Variants in VPS13C observed in about 807,000 individuals in gnomAD.
The protein encoded by VPS13C is intermembrane lipid transfer protein VPS13C.
Under a neutral mutation model 456.8 loss-of-function variants are expected in VPS13C, and 358 were observed. That is an observed-to-expected ratio of 0.78 (90% CI 0.72 to 0.86). The LOEUF is 0.86. Ranked by LOEUF, VPS13C falls within the 40% of genes least tolerant of loss-of-function variation. VPS13C has a pLI of 0.00. For missense variants in VPS13C, 4,818 were observed against 4,385.4 expected, an observed-to-expected ratio of 1.10 and a Z score of -2.79; for synonymous variants, 1,578 against 1,486.7, an observed-to-expected ratio of 1.06 and a Z score of -1.41.
At chr15:61,972,482 G>C in intron 27 of VPS13C, 143 bp downstream of exon 27, 1 of 672,320 alleles carries the variant, frequency 1.5e-6, no homozygotes, top group Middle Eastern at 4.4e-4. Flanking sequence ...GTGTGTGAGA[G>C]TGTGTATGTG....
intron 81 of VPS13C, chr15:61,865,851 A>C (rs1894546350): frequency 1.1e-6 from 1 of 931,894 alleles, no homozygotes; most frequent in African/African-American, 1.8e-5. Flanking sequence ...CATCTCATGG[A>C]AATATAATAT....
chr15:61,929,633 C>A lies in VPS13C; in HGVS notation c.6154G>T (p.Ala2052Ser), dbSNP rs947940623. The A allele has an allele frequency of 1.2e-6, 2 of 1,613,996 alleles. No homozygotes were observed. The highest frequency in any genetic ancestry group is 2.7e-5 in the African/African-American group (2 of 74,922). ...ACAGTCATCAGAAATTCCACACTGG[C>A]ACATACATACAGCTTGTCAAGAACA... ...DAVLDKLYVCASVEFLMTVAD... is the reference protein window; with the variant it reads ...DAVLDKLYVCSSVEFLMTVAD... Residue 2052 changes from alanine (A) to serine (S), a missense_variant, in exon 51 of 85, where the codon GCC becomes TCC. By Grantham distance (99) the Ala-to-Ser change is moderately conservative. Coordinates refer to ENST00000644861, the MANE Select transcript of VPS13C (RefSeq NM_020821.3).
intron 66 of VPS13C, among the ~76,000 whole-genome samples, chr15:61,899,966 A>G (rs1428600877): frequency 1.3e-5 from 2 of 152,192 alleles, no homozygotes; most frequent in Non-Finnish European, 2.9e-5. Context: ...ATATACACAA[A>G]TCAATAAATG....
intron 48 of VPS13C, 39 bp downstream of exon 48, chr15:61,936,558 C>G (rs752489920): frequency 1.3e-6 from 2 of 1,488,826 alleles, no homozygotes; most frequent in South Asian, 3.0e-5. Flanking sequence ...ACATTAACAC[C>G]AATTTTTTCT....
At chr15:61,936,036 A>G (rs1264687176) in intron 48 of VPS13C, among the ~76,000 whole-genome samples, 1 of 152,260 alleles carries the variant, frequency 6.6e-6, no homozygotes, top group East Asian at 1.9e-4. Flanking sequence ...TATATGTAAT[A>G]TAATCTGTTT....
chr15:61,950,467 A>C (rs2044749694), intron 40 of VPS13C, 50 bp from the exon 41 acceptor site: 1 of 1,362,132 alleles, frequency 7.3e-7, no homozygotes, highest in African/African-American at 1.4e-5. Flanking sequence ...CTAAAAATTC[A>C]TACACTGAAA....
intron 16 of VPS13C, among the ~76,000 whole-genome samples, chr15:61,994,526 A>C (rs1288102567): frequency 6.6e-6 from 1 of 152,222 alleles, no homozygotes; most frequent in African/African-American, 2.4e-5. Context: ...CTTACAATTA[A>C]ATATAGCCAG....
intron 1 of VPS13C, among the ~76,000 whole-genome samples, chr15:62,058,333 T>C (rs1354330930): frequency 2.0e-5 from 3 of 152,346 alleles, no homozygotes; most frequent in South Asian, 2.1e-4. Flanking sequence ...TCCTTAAATG[T>C]GTCTTTCTTT....
intron 47 of VPS13C, among the ~76,000 whole-genome samples, chr15:61,939,722 C>T (rs1196199567): frequency 6.6e-6 from 1 of 152,122 alleles, no homozygotes; most frequent in Admixed American, 6.5e-5. Context: ...GGCCGGAGCA[C>T]GGTGGCTCAC....
chr15:61,941,115 A>G (rs1045748605), intron 46 of VPS13C, among the ~76,000 whole-genome samples: 1 of 152,232 alleles, frequency 6.6e-6, no homozygotes, highest in East Asian at 1.9e-4. Context: ...CATGCAAACA[A>G]ATGTTACATC....
Position 62,023,434 on chromosome 15 carries a change from T to A in VPS13C, c.601A>T (p.Ile201Phe). The A allele has an allele frequency of 4.5e-6, 7 of 1,551,918 alleles. No homozygotes were observed. Among genetic ancestry groups the A allele is most frequent in the Non-Finnish European group, 6.1e-6 (7 of 1,146,994 alleles). The change falls in exon 8 of 85, where the codon ATT becomes TTT. Residue 201 changes from isoleucine to phenylalanine, a missense_variant. By Grantham distance (21) the Ile-to-Phe change is conservative (BLOSUM62 0). Around this residue, in one of 3 missense-constraint regions of VPS13C, gnomAD observed 4,552 missense variants for 4,130.6 expected, o/e 1.10. Transcript: ENST00000644861. ...ACATCATCTTCATATTTAATGTGAA[T>A]ATCTGTGATTTTTACTTGTACATTT... is the stretch of plus-strand genomic sequence containing the variant. Reference protein sequence around the residue: ...IKNVQVKITDIHIKYEDDVTD... With the variant: ...IKNVQVKITDFHIKYEDDVTD...
intron 14 of VPS13C, among the ~76,000 whole-genome samples, chr15:62,007,844 C>T (rs530737989): frequency 2.0e-5 from 3 of 152,086 alleles, no homozygotes; most frequent in Admixed American, 6.6e-5. Context: ...AGGGTGCTCA[C>T]GTCTGTAATC....
chr15:61,959,919 T>C (rs1401689478), intron 35 of VPS13C, among the ~76,000 whole-genome samples: 2 of 152,058 alleles, frequency 1.3e-5, no homozygotes, highest in Admixed American at 6.6e-5. Flanking sequence ...GATTAATAGG[T>C]ATGTTGGTGC....
chr15:61,999,682 CAA>C (rs1354237852), intron 16 of VPS13C, among the ~76,000 whole-genome samples: 2 of 150,578 alleles, frequency 1.3e-5, no homozygotes, highest in Non-Finnish European at 3.0e-5. Flanking sequence ...TTTTCATCAC[CAA>C]AAAGTCATGT....
intron 66 of VPS13C, chr15:61,906,892 C>T (rs1026592605): frequency 1.4e-5 from 3 of 214,516 alleles, no homozygotes; most frequent in South Asian, 1.5e-4. Flanking sequence ...AAATACATAG[C>T]TGTGCTTAGG....
At chr15:61,887,566 C>T (rs550256025) in intron 67 of VPS13C, among the ~76,000 whole-genome samples, 1 of 152,248 alleles carries the variant, frequency 6.6e-6, no homozygotes, top group African/African-American at 2.4e-5. Context: ...TGGCACGTGC[C>T]TGTAGTCCCA....
chr15:61,918,110 G>C (rs761419680), intron 59 of VPS13C, 26 bp downstream of exon 59: 3 of 1,556,878 alleles, frequency 1.9e-6, no homozygotes, highest in Non-Finnish European at 2.6e-6. Flanking sequence ...TACATTTAAA[G>C]TTTAATACAT....
At chr15:61,976,364 GAATTA>G (rs760949419) in intron 24 of VPS13C, among the ~76,000 whole-genome samples, 1 of 151,944 alleles carries the variant, frequency 6.6e-6, no homozygotes, top group East Asian at 1.9e-4. Context: ...TAATTATGTT[GAATTA>G]AAGATGTTAA....
At chr15:61,934,159 TCTAAAA>T in intron 49 of VPS13C, 54 bp downstream of exon 49, 9 of 1,187,686 alleles carry the variant, frequency 7.6e-6, no homozygotes, top group Non-Finnish European at 1.0e-5. Context: ...AAGCCAACAC[TCTAAAA>T]CTGACTATCA....
Sources: gnomAD v4.1 joint callset for allele counts (sites outside exome capture counted in the v4.1 genomes callset) on GRCh38, gnomAD v4.1.1 for gene constraint, gnomAD v4.1.1 regional missense constraint, MANE v1.5 for transcripts, NCBI Gene and HGNC (gene_info 2026-07-23, HGNC 2026-07-21) for gene names.